The following TSC22D1 variants were observed in gnomAD, a reference collection of about 807,000 sequenced individuals.
TSC22D1 encodes TSC22 domain family member 1.
A neutral mutation model predicts 74.2 loss-of-function variants in TSC22D1; 9 were observed. The observed-to-expected ratio is 0.12, with a 90% CI of 0.07 to 0.21. The LOEUF (loss-of-function observed/expected upper bound fraction) is 0.21. TSC22D1 is among the 10% of genes least tolerant of loss of function. The pLI is 1.00. For synonymous variants in TSC22D1, 586 were observed against 492.5 expected (o/e 1.19, Z -2.51); for missense variants, 1,427 against 1,304.7 (o/e 1.09, Z -1.44).
At chr13:44,514,263 G>T (rs971857500) in intron 1 of TSC22D1, among the ~76,000 whole-genome samples, 2 of 151,596 alleles carry the variant, frequency 1.3e-5, no homozygotes, top group African/African-American at 2.4e-5. Context: ...GAAAAAAAAA[G>T]AATCAATAAA....
chr13:44,500,732 T>C (rs9533879), intron 1 of TSC22D1, among the ~76,000 whole-genome samples: 13,991 of 152,264 alleles, frequency 0.092, 805 homozygotes, highest in Non-Finnish European at 0.13. Flanking sequence ...CCACCCAGGC[T>C]GGAGTGCAGT....
chr13:44,450,441 G>A (rs893443237), intron 1 of TSC22D1, among the ~76,000 whole-genome samples: 1 of 152,218 alleles, frequency 6.6e-6, no homozygotes, highest in Non-Finnish European at 1.5e-5. Context: ...TGGGATTTGT[G>A]TTTTGGCAAG....
chr13:44,438,856 A>T (rs904975840), intron 1 of TSC22D1, among the ~76,000 whole-genome samples: 9 of 152,184 alleles, frequency 5.9e-5, no homozygotes, highest in Non-Finnish European at 1.3e-4. Flanking sequence ...AGTTATACCT[A>T]AAACTATTTG....
At chr13:44,545,397 T>C (rs1417867111) in intron 1 of TSC22D1, among the ~76,000 whole-genome samples, 1 of 152,090 alleles carries the variant, frequency 6.6e-6, no homozygotes, top group Non-Finnish European at 1.5e-5. Context: ...AAAAGGCTAG[T>C]ATATGTCATT....
chr13:44,445,160 T>C (rs1050588821), intron 1 of TSC22D1, among the ~76,000 whole-genome samples: 1 of 151,842 alleles, frequency 6.6e-6, no homozygotes, highest in Non-Finnish European at 1.5e-5. Flanking sequence ...TACCACAGTG[T>C]GGTACTAGTA....
chr13:44,515,907 T>A (rs1038667185), intron 1 of TSC22D1, among the ~76,000 whole-genome samples: 1 of 152,132 alleles, frequency 6.6e-6, no homozygotes, highest in Non-Finnish European at 1.5e-5. Context: ...TTACAAATTT[T>A]CAAAAGAAAA....
chr13:44,470,853 C>A (rs959482892), intron 1 of TSC22D1, among the ~76,000 whole-genome samples: 23 of 152,166 alleles, frequency 1.5e-4, no homozygotes, highest in African/African-American at 5.6e-4. Context: ...TTAAGAGTCA[C>A]GGTCCAGAGT....
chr13:44,538,038 T>G, intron 1 of TSC22D1: 1 of 985,292 alleles, frequency 1.0e-6, no homozygotes, highest in African/African-American at 1.7e-5. Context: ...TGATAACTAC[T>G]TCAATCAATT....
Position 44,574,860 on chromosome 13 carries a change from C to G in TSC22D1, c.1215G>C (p.Ser405=), listed in dbSNP as rs144137835. 1 of 1,614,146 alleles carries G rather than the reference C, an allele frequency of 6.2e-7. No homozygotes were observed. The highest frequency in any genetic ancestry group is 1.3e-5 in the African/African-American group (1 of 75,018). ...SQQQQPTVNT[S]RFRVVKLDSS... ...AATCTAACTTCACAACTCTGAACCT[C>G]GAAGTGTTAACTGTTGGTTGTTGCT... The change falls in exon 1 of 3, where the codon TCG becomes TCC. Residue 405 remains serine, a synonymous_variant. Transcript: ENST00000458659.
chr13:44,507,177 A>G (rs1030228734), intron 1 of TSC22D1, among the ~76,000 whole-genome samples: 1 of 152,216 alleles, frequency 6.6e-6, no homozygotes, highest in African/African-American at 2.4e-5. Context: ...ATGCTTCAGG[A>G]GTAAGTAGAC....
At chr13:44,504,476 C>A (rs949340141) in intron 1 of TSC22D1, among the ~76,000 whole-genome samples, 1 of 151,874 alleles carries the variant, frequency 6.6e-6, no homozygotes, top group African/African-American at 2.4e-5. Flanking sequence ...TGGTGGCTTG[C>A]GCCTGTGTTC....
intron 1 of TSC22D1, among the ~76,000 whole-genome samples, chr13:44,458,488 G>A (rs565554823): frequency 1.2e-4 from 18 of 152,294 alleles, no homozygotes; most frequent in African/African-American, 3.6e-4. Context: ...GAGGCGCGGC[G>A]GGCATTGCAG....
chr13:44,570,768 T>C (rs571778446), intron 1 of TSC22D1, among the ~76,000 whole-genome samples: 1 of 152,330 alleles, frequency 6.6e-6, no homozygotes, highest in African/African-American at 2.4e-5. Flanking sequence ...CTGAGACTAA[T>C]GGTGACCAAG....
chr13:44,534,824 ACTTTC>A (rs1881054449), intron 1 of TSC22D1, among the ~76,000 whole-genome samples: 1 of 152,170 alleles, frequency 6.6e-6, no homozygotes, highest in South Asian at 2.1e-4. Context: ...AGGAGATTGT[ACTTTC>A]CTTTTGCTTT....
chr13:44,542,528 A>C (rs1881540374), intron 1 of TSC22D1, among the ~76,000 whole-genome samples: 1 of 152,142 alleles, frequency 6.6e-6, no homozygotes, highest in African/African-American at 2.4e-5. Flanking sequence ...GTTAAATATG[A>C]GAGCTCACTG....
chr13:44,569,070 G>A (rs1325453697), intron 1 of TSC22D1, among the ~76,000 whole-genome samples: 1 of 152,154 alleles, frequency 6.6e-6, no homozygotes, highest in African/African-American at 2.4e-5. Context: ...AATGAAAGGT[G>A]TATTTTATTT....
chr13:44,508,378 C>T (rs754931332), intron 1 of TSC22D1, among the ~76,000 whole-genome samples: 5 of 152,104 alleles, frequency 3.3e-5, no homozygotes, highest in East Asian at 1.9e-4. Flanking sequence ...GATGTTCATA[C>T]GTTCTATAAG....
At chr13:44,542,438 A>G (rs1881532170) in intron 1 of TSC22D1, among the ~76,000 whole-genome samples, 1 of 152,092 alleles carries the variant, frequency 6.6e-6, no homozygotes, top group Non-Finnish European at 1.5e-5. Context: ...TTTATCACAC[A>G]CCACAGTATA....
intron 1 of TSC22D1, among the ~76,000 whole-genome samples, chr13:44,453,047 A>G (rs1876278790): frequency 6.6e-6 from 1 of 152,138 alleles, no homozygotes; most frequent in African/African-American, 2.4e-5. Context: ...AGTTAATTAG[A>G]ATTTACATTT....
Sources: allele counts gnomAD v4.1 joint callset (sites outside exome capture counted in the v4.1 genomes callset), GRCh38; gene constraint gnomAD v4.1.1; transcripts MANE v1.5; gene names NCBI Gene and HGNC (gene_info 2026-07-23, HGNC 2026-07-21).